TUSC3: variants seen among roughly 807,000 people sequenced by gnomAD.
TUSC3 encodes tumor suppressor candidate 3.
A neutral mutation model predicts 44.8 loss-of-function variants in TUSC3; 45 were observed. That is an observed-to-expected ratio of 1.00 (90% CI 0.79 to 1.29). The LOEUF (loss-of-function observed/expected upper bound fraction) is 1.29. Among genes scored for constraint, TUSC3 ranks in the 50% most tolerant of loss-of-function variants. TUSC3 has a pLI of 0.00. For missense variants in TUSC3, 519 were observed against 437.9 expected, an observed-to-expected ratio of 1.19 and a Z score of -1.65; for synonymous variants, 212 against 152.9, an observed-to-expected ratio of 1.39 and a Z score of -2.85.
chr8:15,784,578 G>A, the TUSC3 span, among the ~76,000 whole-genome samples: 1 of 151,904 alleles, frequency 6.6e-6, no homozygotes, highest in African/African-American at 2.4e-5. Flanking sequence ...ATACCATTTA[G>A]CCTTTAAAAA....
chr8:15,694,435 CAAAA>C lies in TUSC3; in HGVS notation c.798+20621_798+20624del, dbSNP rs146718595. Among the ~76,000 whole-genome samples the C allele has an allele frequency of 5.1e-3, 425 of 83,226 alleles. 1 individual carries two copies. The highest frequency in any genetic ancestry group is 0.022 in the African/African-American group (406 of 18,210). 54.6% of individuals were successfully genotyped at this position (83,226 alleles called of 152,430 possible). A position where few individuals can be genotyped will look rare whatever the true frequency, so the allele number is the denominator to read the frequency against. The stretch of plus-strand genomic sequence containing the variant: ...TGAGCAACAAGACGGAAACTCCATC[CAAAA>C]AAAAAAAAAAAAAAAAAAAAAGATT... On this transcript the variant is annotated intron_variant, in intron 6 of 10. Transcript: ENST00000503731.
chr8:15,836,144 A>AT, the TUSC3 span, among the ~76,000 whole-genome samples: 24,793 of 150,870 alleles, frequency 0.16, 2,175 homozygotes, highest in Admixed American at 0.28. Flanking sequence ...TTATAAAATT[A>AT]TTTTTTTTTG....
At chr8:15,838,086 T>C in the TUSC3 span, among the ~76,000 whole-genome samples, 1 of 152,124 alleles carries the variant, frequency 6.6e-6, no homozygotes, top group Admixed American at 6.5e-5. Flanking sequence ...TCTCTCTCCC[T>C]CCAGTTGTAT....
At chr8:15,685,210 C>T (rs1274096237) in intron 6 of TUSC3, among the ~76,000 whole-genome samples, 1 of 152,076 alleles carries the variant, frequency 6.6e-6, no homozygotes, top group African/African-American at 2.4e-5. Context: ...CTTGGGAAAC[C>T]TGTAGCTGGG....
chr8:15,550,004 G>A (rs1802005029), intron 1 of TUSC3, among the ~76,000 whole-genome samples: 1 of 151,738 alleles, frequency 6.6e-6, no homozygotes, highest in Admixed American at 6.6e-5. Context: ...GGGGATCCAT[G>A]TGAGAGGGTC....
chr8:15,454,415 C>T (rs977576229), intron 1 of TUSC3, among the ~76,000 whole-genome samples: 4 of 152,318 alleles, frequency 2.6e-5, no homozygotes, highest in African/African-American at 9.6e-5. Flanking sequence ...CTGCCACCAA[C>T]ATTCTCAGGA....
chr8:15,836,413 G>T, the TUSC3 span, among the ~76,000 whole-genome samples: 1 of 150,992 alleles, frequency 6.6e-6, no homozygotes. Context: ...GGAGGTGGAG[G>T]TTGCAGTGAG....
intron 2 of TUSC3, among the ~76,000 whole-genome samples, chr8:15,520,603 T>G (rs1040375275): frequency 6.6e-6 from 1 of 152,200 alleles, no homozygotes; most frequent in Non-Finnish European, 1.5e-5. Flanking sequence ...AACCAATATT[T>G]GTATTGCATG....
chr8:15,777,032 A>G, the TUSC3 span, among the ~76,000 whole-genome samples: 1 of 152,198 alleles, frequency 6.6e-6, no homozygotes, highest in African/African-American at 2.4e-5. Flanking sequence ...AATCCAAAAA[A>G]TGTATTTTAC....
the TUSC3 span, among the ~76,000 whole-genome samples, chr8:15,850,469 T>G: frequency 6.6e-6 from 1 of 152,332 alleles, no homozygotes; most frequent in Middle Eastern, 3.4e-3. Flanking sequence ...TCACAAGTAC[T>G]ATCTTCCTCC....
intron 7 of TUSC3, among the ~76,000 whole-genome samples, chr8:15,736,161 T>A (rs1233533786): frequency 6.6e-6 from 1 of 152,308 alleles, no homozygotes; most frequent in Admixed American, 6.5e-5. Flanking sequence ...TGTGCTGAGA[T>A]ACAAGAGTCA....
chr8:15,518,277 G>A (rs1195482812), intron 2 of TUSC3, among the ~76,000 whole-genome samples: 1 of 151,886 alleles, frequency 6.6e-6, no homozygotes, highest in Non-Finnish European at 1.5e-5. Context: ...TCATCAAAAT[G>A]CCATGTGTTT....
intron 2 of TUSC3, among the ~76,000 whole-genome samples, chr8:15,640,616 T>A (rs574133398): frequency 6.6e-6 from 1 of 152,322 alleles, no homozygotes; most frequent in African/African-American, 2.4e-5. Context: ...TAAATAGAAC[T>A]AGGGACAAAA....
chr8:15,850,933 C>A, the TUSC3 span, among the ~76,000 whole-genome samples: 1 of 152,308 alleles, frequency 6.6e-6, no homozygotes, highest in African/African-American at 2.4e-5. Flanking sequence ...CTCCCCTACA[C>A]TGAGGAAGCT....
chr8:15,771,433 G>A (rs2543119), downstream of TUSC3, among the ~76,000 whole-genome samples: 3 of 152,002 alleles, frequency 2.0e-5, no homozygotes, highest in African/African-American at 7.3e-5. Flanking sequence ...AAGGACAACT[G>A]AGAGTCATAC....
chr8:15,466,767 A>G (rs1431528363), intron 1 of TUSC3, among the ~76,000 whole-genome samples: 3 of 152,078 alleles, frequency 2.0e-5, no homozygotes, highest in Non-Finnish European at 2.9e-5. Context: ...ATCTTAGTAT[A>G]ATTCAGTTTT....
intron 6 of TUSC3, among the ~76,000 whole-genome samples, chr8:15,728,802 C>T (rs1360810925): frequency 6.6e-6 from 1 of 152,066 alleles, no homozygotes; most frequent in East Asian, 1.9e-4. Flanking sequence ...TGAGATACTC[C>T]AGAGTCTAGA....
At chr8:15,601,685 A>T (rs1426665525) in intron 1 of TUSC3, among the ~76,000 whole-genome samples, 1 of 151,666 alleles carries the variant, frequency 6.6e-6, no homozygotes, top group African/African-American at 2.4e-5. Flanking sequence ...TATTAGGTTC[A>T]AGGCAAATCT....
At chr8:15,590,097 T>TG (rs1159287977) in intron 1 of TUSC3, among the ~76,000 whole-genome samples, 1 of 152,182 alleles carries the variant, frequency 6.6e-6, no homozygotes, top group African/African-American at 2.4e-5. Context: ...ATTTAGGAGG[T>TG]CACAAATTGT....
Sources: gnomAD v4.1 joint callset for allele counts (sites outside exome capture counted in the v4.1 genomes callset) on GRCh38, gnomAD v4.1.1 for gene constraint, MANE v1.5 for transcripts, NCBI Gene and HGNC (gene_info 2026-07-23, HGNC 2026-07-21) for gene names.